TPO: variants seen among roughly 807,000 people sequenced by gnomAD.
TPO encodes thyroid microsomal antigen.
Under a neutral mutation model 96.9 loss-of-function variants are expected in TPO, and 78 were observed. The observed-to-expected ratio is 0.81, with a 90% CI of 0.67 to 0.97. The LOEUF (loss-of-function observed/expected upper bound fraction) is 0.97. Ranked by LOEUF, TPO falls within the 50% of genes least tolerant of loss-of-function variation. The pLI, the probability that TPO is intolerant of heterozygous loss-of-function variation, is 0.00. For missense variants in TPO, 1,252 were observed against 1,274.8 expected, an observed-to-expected ratio of 0.98 and a Z score of 0.27; for synonymous variants, 547 against 538.0, an observed-to-expected ratio of 1.02 and a Z score of -0.23.
rs1337194878 is a variant in TPO at position 1,477,078 on chromosome 2, G to T, written c.820-8G>T. The T allele has an allele frequency of 1.2e-6, 2 of 1,600,462 alleles. No individual in the cohort carries two copies. The highest frequency in any genetic ancestry group is 1.7e-6 in the Non-Finnish European group (2 of 1,177,408). ...CCTGGGTGACCTTGAACTCCCCTTT[G>T]CCTGCAGCTCCCGGAGGAGGCCCGG... On this transcript the variant is annotated splice_polypyrimidine_tract_variant and splice_region_variant and intron_variant, in intron 7 of 16. Transcript: ENST00000329066.
At chr2:1,464,752 G>GT (rs1668747060) in intron 7 of TPO, among the ~76,000 whole-genome samples, 1 of 151,854 alleles carries the variant, frequency 6.6e-6, no homozygotes. Flanking sequence ...GGATTGTTTG[G>GT]TTTTTCTTAC....
intron 15 of TPO, among the ~76,000 whole-genome samples, chr2:1,525,659 TC>T: frequency 2.8e-4 from 1 of 3,558 alleles, no homozygotes; most frequent in Non-Finnish European, 4.1e-4. Flanking sequence ...AGCCCCAAAA[TC>T]CCACCCACTA....
intron 14 of TPO, among the ~76,000 whole-genome samples, chr2:1,513,904 C>T (rs975898686): frequency 6.6e-6 from 1 of 151,938 alleles, no homozygotes; most frequent in Non-Finnish European, 1.5e-5. Flanking sequence ...GTAGCTATAC[C>T]TATGTAAGTT....
chr2:1,466,653 C>T (rs995320377), intron 7 of TPO, among the ~76,000 whole-genome samples: 4 of 152,108 alleles, frequency 2.6e-5, no homozygotes, highest in African/African-American at 9.7e-5. Context: ...CTCTAGGTTT[C>T]CCAGTTGATG....
At chr2:1,418,143 TG>T (rs2148414897) in intron 2 of TPO, among the ~76,000 whole-genome samples, 1 of 152,178 alleles carries the variant, frequency 6.6e-6, no homozygotes, top group South Asian at 2.1e-4. Context: ...AAAAATTAGC[TG>T]GGCGTGGTGG....
At chr2:1,508,493 C>T (rs371094432) in intron 14 of TPO, among the ~76,000 whole-genome samples, 96 of 152,190 alleles carry the variant, frequency 6.3e-4, no homozygotes, top group Non-Finnish European at 1.2e-3. Context: ...TGGTAGAATT[C>T]GGCTGTGAAT....
chr2:1,404,465 G>T (rs758328442), intron 1 of TPO, among the ~76,000 whole-genome samples: 3 of 152,202 alleles, frequency 2.0e-5, no homozygotes, highest in Non-Finnish European at 2.9e-5. Context: ...TGTACCTGGA[G>T]ATAAGGTTGT....
chr2:1,514,904 G>A (rs1674524608), intron 14 of TPO, among the ~76,000 whole-genome samples: 1 of 152,168 alleles, frequency 6.6e-6, no homozygotes, highest in South Asian at 2.1e-4. Flanking sequence ...GCCGTTTGCT[G>A]GTGTGAGGTG....
chr2:1,404,240 G>A (rs916711522), intron 1 of TPO, among the ~76,000 whole-genome samples: 1 of 152,234 alleles, frequency 6.6e-6, no homozygotes, highest in Admixed American at 6.5e-5. Flanking sequence ...TGTGTTGCAC[G>A]CTGTCTCAAG....
chr2:1,523,103 C>T (rs1320177720), intron 15 of TPO, among the ~76,000 whole-genome samples: 6 of 148,670 alleles, frequency 4.0e-5, no homozygotes, highest in East Asian at 4.1e-4. Context: ...CCAAATCCTG[C>T]GCACTCTGTG....
At chr2:1,427,882 C>A (rs1368556227) in intron 3 of TPO, among the ~76,000 whole-genome samples, 2 of 152,076 alleles carry the variant, frequency 1.3e-5, no homozygotes, top group East Asian at 1.9e-4. Context: ...TTGGTGATAC[C>A]ATTTGAGTCT....
chr2:1,484,894 CT>C, intron 9 of TPO, 40 bp downstream of exon 9: 2 of 1,610,136 alleles, frequency 1.2e-6, no homozygotes, highest in East Asian at 2.2e-5. Flanking sequence ...CCCATGAACT[CT>C]TCCTTCTTTT....
At chr2:1,383,978 C>G (rs535107604) in intron 1 of TPO, among the ~76,000 whole-genome samples, 1 of 152,182 alleles carries the variant, frequency 6.6e-6, no homozygotes, top group Non-Finnish European at 1.5e-5. Flanking sequence ...ATAGGGAATA[C>G]TTTCCCCATT....
chr2:1,456,223 G>T lies in TPO; in HGVS notation c.760G>T (p.Gly254Trp), dbSNP rs371917329. 1 of 1,614,118 alleles carries T rather than the reference G, an allele frequency of 6.2e-7. No individual in the cohort carries two copies. The highest frequency in any genetic ancestry group is 8.5e-7 in the Non-Finnish European group (1 of 1,180,036). Reference sequence around the variant, plus strand: ...ACAGAGCACCAGCAAAGCTGCCTTCGGGGGAGGGGCTGACTGCCAGATGAC... The same window carrying T: ...ACAGAGCACCAGCAAAGCTGCCTTCTGGGGAGGGGCTGACTGCCAGATGAC... ...TPQSTSKAAF[G>W]GGADCQMTCE... Residue 254 changes from glycine to tryptophan, a missense_variant, in exon 7 of 17, where the codon GGG (glycine) becomes TGG (tryptophan). Physicochemically the swap from Gly to Trp is radical, Grantham distance 184. Coordinates refer to ENST00000329066, the MANE Select transcript of TPO (RefSeq NM_001206744.2).
intron 2 of TPO, among the ~76,000 whole-genome samples, chr2:1,421,310 T>A (rs771143542): frequency 1.3e-5 from 2 of 152,116 alleles, no homozygotes; most frequent in Non-Finnish European, 2.9e-5. Context: ...CCGTGCAAAC[T>A]TCTCTCTTCA....
chr2:1,537,379 C>G (rs1679991829), intron 15 of TPO, among the ~76,000 whole-genome samples: 1 of 126,792 alleles, frequency 7.9e-6, no homozygotes, highest in African/African-American at 3.1e-5. Context: ...CTACTGTGTG[C>G]AACTCCCTCA....
chr2:1,510,800 T>A (rs1416041346), intron 14 of TPO, among the ~76,000 whole-genome samples: 1 of 152,166 alleles, frequency 6.6e-6, no homozygotes, highest in Non-Finnish European at 1.5e-5. Flanking sequence ...TTCTCCTGTC[T>A]CCGTGGTGAT....
intron 7 of TPO, among the ~76,000 whole-genome samples, chr2:1,472,825 G>T (rs1161055605): frequency 3.6e-5 from 1 of 28,030 alleles, no homozygotes; most frequent in East Asian, 1.1e-3. Context: ...CTTGTTTGGC[G>T]GCAAAAAAAA....
chr2:1,439,623 C>A (rs987028052), intron 5 of TPO, among the ~76,000 whole-genome samples: 4 of 152,160 alleles, frequency 2.6e-5, no homozygotes, highest in Non-Finnish European at 5.9e-5. Flanking sequence ...CCCAGCATCT[C>A]AGGCCGTTGG....
Sources: gnomAD v4.1 joint callset for allele counts (sites outside exome capture counted in the v4.1 genomes callset) on GRCh38, gnomAD v4.1.1 for gene constraint, MANE v1.5 for transcripts, NCBI Gene and HGNC (gene_info 2026-07-23, HGNC 2026-07-21) for gene names.